Variants in SEMA5A observed in about 807,000 individuals in gnomAD.
The protein encoded by SEMA5A is semaphorin-5A.
SEMA5A carries 55 observed loss-of-function variants against 135.5 expected under a neutral mutation model. The observed-to-expected ratio is 0.41, with a 90% CI of 0.33 to 0.51. SEMA5A has a LOEUF of 0.51. Among genes scored for constraint, SEMA5A ranks in the 20% least tolerant of loss-of-function variants. SEMA5A has a pLI of 0.37. For missense variants in SEMA5A, 1,290 were observed against 1,419.9 expected, an observed-to-expected ratio of 0.91 and a Z score of 1.47; for synonymous variants, 580 against 546.5, an observed-to-expected ratio of 1.06 and a Z score of -0.85.
chr5:9,214,886 C>G (rs1444959397), intron 8 of SEMA5A, among the ~76,000 whole-genome samples: 1 of 152,196 alleles, frequency 6.6e-6, no homozygotes, highest in East Asian at 1.9e-4. Context: ...CAGCAATGCT[C>G]AAGAGTTTTA....
intron 2 of SEMA5A, among the ~76,000 whole-genome samples, chr5:9,430,953 A>G (rs949999552): frequency 7.3e-6 from 1 of 137,680 alleles, no homozygotes; most frequent in South Asian, 2.2e-4. Context: ...TTCCTATTGG[A>G]AAAAAAAATA....
intron 1 of SEMA5A, among the ~76,000 whole-genome samples, chr5:9,530,393 A>G (rs1737373718): frequency 1.3e-5 from 2 of 152,218 alleles, no homozygotes; most frequent in African/African-American, 2.4e-5. Flanking sequence ...CATTTATCCA[A>G]ATTAAACATC....
intron 2 of SEMA5A, among the ~76,000 whole-genome samples, chr5:9,425,307 G>C (rs1375731824): frequency 6.6e-6 from 1 of 152,198 alleles, no homozygotes; most frequent in Non-Finnish European, 1.5e-5. Context: ...AGAGAGCCAG[G>C]AGCCTATCTG....
rs371373696 is a variant in SEMA5A, at chr5:9,051,905, C to T, written c.2813G>A (p.Arg938Gln). Residue 938 changes from arginine to glutamine, a missense_variant, in exon 20 of 23, where the codon CGG becomes CAG. Physicochemically the swap from Arg to Gln is conservative, Grantham distance 43. Transcript: ENST00000382496. ...GAAATTAGAGTCAAACACACACGGC[C>T]GGCTCTCCGTGGTGTTCCCGGAGCA... The part of the protein sequence containing the change: ...SQCSGNTTES[R>Q]PCVFDSNFIP... 3.3e-5 allele frequency: 54 copies of T among 1,614,120 alleles called. No individual in the cohort carries two copies. The highest frequency in any genetic ancestry group is 8.0e-5 in the African/African-American group (6 of 75,036).
chr5:9,141,588 G>A (rs1742069756), intron 12 of SEMA5A, among the ~76,000 whole-genome samples: 1 of 152,002 alleles, frequency 6.6e-6, no homozygotes, highest in Non-Finnish European at 1.5e-5. Flanking sequence ...CTTATTGAGG[G>A]TATTTTTTAG....
chr5:9,343,377 TG>T (rs1036900468), intron 3 of SEMA5A, among the ~76,000 whole-genome samples: 1 of 152,020 alleles, frequency 6.6e-6, no homozygotes, highest in African/African-American at 2.4e-5. Context: ...ATACAGGAGT[TG>T]GGGGGCAGGG....
At chr5:9,198,238 C>G (rs906440886) in intron 9 of SEMA5A, among the ~76,000 whole-genome samples, 1 of 152,122 alleles carries the variant, frequency 6.6e-6, no homozygotes. Flanking sequence ...CCTTATATTT[C>G]TTTGATTTGA....
Position 9,411,439 on chromosome 5 carries a change from A to G in SEMA5A, c.-78+26317T>C, listed in dbSNP as rs117851601. Among the ~76,000 whole-genome samples, 417 of 152,290 alleles carry G rather than the reference A, an allele frequency of 2.7e-3. 12 individuals carry two copies. In the East Asian group the frequency reaches 0.048, roughly 18 times the overall value. On this transcript the variant is annotated intron_variant, in intron 2 of 22. Transcript: ENST00000382496. ...GAAGTGGAAGCAAAAGTGTGTTGTT[A>G]GTTGCGCACCCATAGAAGCACACCT...
intron 5 of SEMA5A, among the ~76,000 whole-genome samples, chr5:9,276,828 C>T (rs1288420410): frequency 6.6e-6 from 1 of 152,138 alleles, no homozygotes; most frequent in Non-Finnish European, 1.5e-5. Context: ...ATATTAAACA[C>T]TTAAACATAA....
intron 10 of SEMA5A, among the ~76,000 whole-genome samples, chr5:9,195,938 T>G (rs2150357100): frequency 6.6e-6 from 1 of 152,376 alleles, no homozygotes; most frequent in African/African-American, 2.4e-5. Flanking sequence ...GGACCGAGGT[T>G]GGAATCCTCA....
intron 1 of SEMA5A, among the ~76,000 whole-genome samples, chr5:9,533,428 T>G (rs866798427): frequency 4.6e-5 from 7 of 152,214 alleles, no homozygotes; most frequent in African/African-American, 1.7e-4. Context: ...AGTAAAAGAT[T>G]GTAAATATAG....
intron 11 of SEMA5A, among the ~76,000 whole-genome samples, chr5:9,177,338 A>G (rs1415269780): frequency 1.3e-5 from 2 of 152,158 alleles, no homozygotes; most frequent in Non-Finnish European, 2.9e-5. Context: ...GCTTTAAATG[A>G]TGGAGTCATT....
At chr5:9,435,772 A>G (rs1331195651) in intron 2 of SEMA5A, among the ~76,000 whole-genome samples, 1 of 152,352 alleles carries the variant, frequency 6.6e-6, no homozygotes, top group Middle Eastern at 3.4e-3. Flanking sequence ...CTGCTTTCAT[A>G]CTACAACGGC....
intron 16 of SEMA5A, among the ~76,000 whole-genome samples, chr5:9,086,173 G>A (rs1033340336): frequency 2.6e-5 from 4 of 152,132 alleles, no homozygotes; most frequent in Non-Finnish European, 1.5e-5. Context: ...TTTGGACTGT[G>A]GACTTTTGAG....
chr5:9,278,616 G>A, intron 5 of SEMA5A, among the ~76,000 whole-genome samples: 1 of 152,204 alleles, frequency 6.6e-6, no homozygotes. Flanking sequence ...AGGTCTAGGA[G>A]GGAAAAATGG....
chr5:9,324,828 G>A (rs1044925691), intron 4 of SEMA5A, among the ~76,000 whole-genome samples: 1 of 152,170 alleles, frequency 6.6e-6, no homozygotes, highest in Non-Finnish European at 1.5e-5. Context: ...TGAGGTTCAT[G>A]AGAAAGGCCA....
chr5:9,210,808 C>G (rs143402340), intron 8 of SEMA5A, among the ~76,000 whole-genome samples: 3 of 152,138 alleles, frequency 2.0e-5, no homozygotes, highest in African/African-American at 7.2e-5. Flanking sequence ...TGGCAGATGA[C>G]ATGGATTTGG....
At chr5:9,154,111 G>GTGTGTGTA (rs1742816634) in intron 12 of SEMA5A, among the ~76,000 whole-genome samples, 2 of 128,880 alleles carry the variant, frequency 1.6e-5, no homozygotes, top group African/African-American at 5.5e-5. Flanking sequence ...GTGTGTATGT[G>GTGTGTGTA]TGTGTATGTA....
chr5:9,363,550 T>A (rs146485717), intron 3 of SEMA5A: 84 of 152,326 alleles, frequency 5.5e-4, no homozygotes, highest in African/African-American at 2.0e-3. Flanking sequence ...TAGCAAATGT[T>A]TTCACTTGGC....
Sources: gnomAD v4.1 joint callset for allele counts (sites outside exome capture counted in the v4.1 genomes callset) on GRCh38, gnomAD v4.1.1 for gene constraint, MANE v1.5 for transcripts, NCBI Gene and HGNC (gene_info 2026-07-23, HGNC 2026-07-21) for gene names.